The following NME7 variants were observed in gnomAD, a reference collection of about 807,000 sequenced individuals.
The protein encoded by NME7 is nucleoside diphosphate kinase 7.
A neutral mutation model predicts 49.1 loss-of-function variants in NME7; 41 were observed. The observed-to-expected ratio is 0.83, with a 90% CI of 0.65 to 1.08. The LOEUF is 1.08. Ranked by LOEUF, NME7 falls within the 50% of genes least tolerant of loss-of-function variation. The pLI is 0.00. For missense variants in NME7, 423 were observed against 463.4 expected, an observed-to-expected ratio of 0.91 and a Z score of 0.80; for synonymous variants, 139 against 150.6, an observed-to-expected ratio of 0.92 and a Z score of 0.56.
intron 1 of NME7, among the ~76,000 whole-genome samples, chr1:169,363,026 G>C (rs1180175902): frequency 6.6e-6 from 1 of 151,700 alleles, no homozygotes; most frequent in Non-Finnish European, 1.5e-5. Flanking sequence ...GATCACTTGA[G>C]CCCAGGGGTC....
intron 5 of NME7, among the ~76,000 whole-genome samples, chr1:169,302,848 ATAAT>A (rs1479444768): frequency 6.6e-6 from 1 of 152,240 alleles, no homozygotes; most frequent in African/African-American, 2.4e-5. Context: ...AACATCAAAT[ATAAT>A]TATCACTCCA....
At chr1:169,352,449 T>G (rs1275239446) in intron 1 of NME7, among the ~76,000 whole-genome samples, 1 of 152,118 alleles carries the variant, frequency 6.6e-6, no homozygotes, top group East Asian at 1.9e-4. Flanking sequence ...AAAAGCCATA[T>G]ATGACAGCCC....
At chr1:169,165,880 A>G (rs142407406) in intron 11 of NME7, among the ~76,000 whole-genome samples, 1 of 152,218 alleles carries the variant, frequency 6.6e-6, no homozygotes, top group Non-Finnish European at 1.5e-5. Context: ...ATTCAAGTTC[A>G]TATCAAGAAA....
intron 11 of NME7, among the ~76,000 whole-genome samples, chr1:169,136,992 G>A (rs367793068): frequency 6.6e-6 from 1 of 152,178 alleles, no homozygotes; most frequent in Non-Finnish European, 1.5e-5. Flanking sequence ...AGAATCTATC[G>A]CACAGTTGTG....
Position 169,136,215 on chromosome 1 carries a change from T to C in NME7, c.1099-3398A>G, listed in dbSNP as rs530792335. On this transcript the variant is annotated intron_variant, in intron 11 of 11. Coordinates refer to ENST00000367811, the MANE Select transcript of NME7 (RefSeq NM_013330.5). ...AGGAATAGGACATAGGATCCTTTCC[T>C]TTTGATAAGGAGCAGGGGTTCTGAA... 2.6e-5 allele frequency among the ~76,000 whole-genome samples: 4 copies of C among 152,312 alleles called. No individual in the cohort carries two copies. In the South Asian group the frequency reaches 8.3e-4, roughly 32 times the overall value.
chr1:169,310,200 T>C (rs1201487693), intron 3 of NME7, 120 bp from the exon 4 acceptor site: 6 of 638,368 alleles, frequency 9.4e-6, no homozygotes, highest in Non-Finnish European at 1.3e-5. Flanking sequence ...AAATTAATTG[T>C]ATAGAAAAGT....
chr1:169,273,902 A>G (rs1649594348), intron 7 of NME7, among the ~76,000 whole-genome samples: 1 of 129,202 alleles, frequency 7.7e-6, no homozygotes. Context: ...TGCTATTGTG[A>G]ATAGTGCCGC....
intron 11 of NME7, among the ~76,000 whole-genome samples, chr1:169,140,155 G>A (rs2179490): frequency 0.33 from 50,271 of 152,030 alleles, 8,865 homozygotes; most frequent in Non-Finnish European, 0.4. Flanking sequence ...AAAGACAGAA[G>A]AAAGGATGAT....
At chr1:169,272,406 C>T (rs903894577) in intron 7 of NME7, among the ~76,000 whole-genome samples, 1 of 130,468 alleles carries the variant, frequency 7.7e-6, no homozygotes, top group African/African-American at 2.6e-5. Flanking sequence ...AGGTATTAAC[C>T]CCAGCATCCA....
At position 169,194,685 on chromosome 1, in the gene NME7, T is replaced by A. The variant is rs1660324491; in HGVS notation, c.991-25131A>T. 2.6e-5 allele frequency among the ~76,000 whole-genome samples: 4 copies of A among 152,176 alleles called. No individual in the cohort carries two copies. In the South Asian group the frequency reaches 8.3e-4, roughly 32 times the overall value. On this transcript the variant is annotated intron_variant, in intron 10 of 11. Coordinates refer to ENST00000367811, the MANE Select transcript of NME7 (RefSeq NM_013330.5). ...TATCACAAATAAAAGTCAATTAAGA[T>A]CTTTAAACTAAATTTGTTGTAATTT...
At chr1:169,150,220 G>A (rs946911663) in intron 11 of NME7, among the ~76,000 whole-genome samples, 2 of 152,088 alleles carry the variant, frequency 1.3e-5, no homozygotes, top group African/African-American at 4.8e-5. Context: ...CTGTATGTCT[G>A]TATGTGTGTG....
chr1:169,159,989 G>C (rs1276614374), intron 11 of NME7, among the ~76,000 whole-genome samples: 1 of 152,056 alleles, frequency 6.6e-6, no homozygotes, highest in Non-Finnish European at 1.5e-5. Context: ...TCAGTTCCTA[G>C]ACTTACATAT....
chr1:169,333,680 A>G (rs1414774740), intron 1 of NME7, among the ~76,000 whole-genome samples: 1 of 152,154 alleles, frequency 6.6e-6, no homozygotes, highest in Non-Finnish European at 1.5e-5. Context: ...AAGATCACAC[A>G]GCTTATAAAC....
intron 11 of NME7, among the ~76,000 whole-genome samples, chr1:169,157,493 C>T (rs1431444565): frequency 6.6e-6 from 1 of 152,152 alleles, no homozygotes; most frequent in Non-Finnish European, 1.5e-5. Context: ...AGCATCCATG[C>T]AATACATGCA....
At chr1:169,298,329 AGTGTT>A (rs1222104860) in intron 6 of NME7, among the ~76,000 whole-genome samples, 4 of 152,182 alleles carry the variant, frequency 2.6e-5, no homozygotes, top group African/African-American at 9.6e-5. Context: ...CAGGATGAGA[AGTGTT>A]TTAATTGGAG....
intron 10 of NME7, among the ~76,000 whole-genome samples, chr1:169,226,408 G>T (rs1362163708): frequency 6.6e-6 from 1 of 152,106 alleles, no homozygotes; most frequent in Non-Finnish European, 1.5e-5. Flanking sequence ...GAGGTGGAGA[G>T]AAAAGGGGGA....
At chr1:169,209,596 A>C (rs542811911) in intron 10 of NME7, among the ~76,000 whole-genome samples, 1 of 152,156 alleles carries the variant, frequency 6.6e-6, no homozygotes, top group African/African-American at 2.4e-5. Context: ...GATTTCCTTT[A>C]TTTTCCTCCA....
chr1:169,192,191 CAATT>C (rs1660249707), intron 10 of NME7, among the ~76,000 whole-genome samples: 1 of 152,038 alleles, frequency 6.6e-6, no homozygotes, highest in Non-Finnish European at 1.5e-5. Context: ...GAGGTGTAGA[CAATT>C]AACGGCATAG....
intron 10 of NME7, among the ~76,000 whole-genome samples, chr1:169,197,518 G>A (rs1232666428): frequency 6.6e-6 from 1 of 152,094 alleles, no homozygotes; most frequent in Non-Finnish European, 1.5e-5. Flanking sequence ...TAGACATATG[G>A]ATTAATGGAA....
Sources: gnomAD v4.1 joint callset for allele counts (sites outside exome capture counted in the v4.1 genomes callset) on GRCh38, gnomAD v4.1.1 for gene constraint, MANE v1.5 for transcripts, NCBI Gene and HGNC (gene_info 2026-07-23, HGNC 2026-07-21) for gene names.